The following P3H2 variants were observed in gnomAD, a reference collection of about 807,000 sequenced individuals.
P3H2 encodes the protein prolyl 3-hydroxylase 2.
In P3H2, 80 loss-of-function variants were observed where a neutral mutation model predicts 87.0. The ratio of observed to expected loss-of-function variants is 0.92; its 90% CI spans 0.77 to 1.11. The LOEUF is 1.11. Among genes scored for constraint, P3H2 ranks in the 50% least tolerant of loss-of-function variants. The probability of loss-of-function intolerance (pLI) is 0.00; values close to 1 mark genes in which losing one functional copy is unlikely to be tolerated. For synonymous variants in P3H2, 367 were observed against 359.3 expected (o/e 1.02, Z -0.24); for missense variants, 1,001 against 923.9 (o/e 1.08, Z -1.08).
intron 13 of P3H2, chr3:189,969,857 G>T: frequency 2.1e-6 from 3 of 1,398,054 alleles, no homozygotes; most frequent in Non-Finnish European, 3.1e-6. Flanking sequence ...GGTGCTTGAG[G>T]CCATGTCCGC....
chr3:190,002,860 C>T (rs527673450), intron 1 of P3H2, among the ~76,000 whole-genome samples: 10 of 152,160 alleles, frequency 6.6e-5, no homozygotes, highest in Non-Finnish European at 1.2e-4. Flanking sequence ...TATATACTCC[C>T]ATAGTAAGGG....
chr3:190,063,942 T>A (rs1215773005), intron 1 of P3H2, among the ~76,000 whole-genome samples: 1 of 152,050 alleles, frequency 6.6e-6, no homozygotes, highest in Non-Finnish European at 1.5e-5. Context: ...TATATCTATT[T>A]AAGCATTTAA....
chr3:190,008,708 G>A (rs1392096070), intron 1 of P3H2, among the ~76,000 whole-genome samples: 1 of 152,174 alleles, frequency 6.6e-6, no homozygotes, highest in African/African-American at 2.4e-5. Context: ...AGAGGACTAT[G>A]AGCTTTCTAT....
At position 190,120,453 on chromosome 3, in the gene P3H2, C is replaced by G; in HGVS notation, c.279G>C (p.Pro93=). 1 of 1,423,228 alleles carries G rather than the reference C, an allele frequency of 7.0e-7. No individual in the cohort carries two copies. Among genetic ancestry groups the G allele is most frequent in the Non-Finnish European group, 9.1e-7 (1 of 1,099,620 alleles). 88.2% of individuals were successfully genotyped at this position (1,423,228 alleles called of 1,614,324 possible). A position where few individuals can be genotyped will look rare whatever the true frequency, so the allele number is the denominator to read the frequency against. ...RCARHCAARH[P]LPPPPPGEGP... ...CCTCGCCGGGGGGCGGGGGCGGGAGCGGGTGGCGCGCCGCGCAGTGGCGGG... is the reference window on the plus strand; with the variant it reads ...CCTCGCCGGGGGGCGGGGGCGGGAGGGGGTGGCGCGCCGCGCAGTGGCGGG... The change falls in exon 1 of 15, where the codon CCG becomes CCC. Residue 93 remains proline, a synonymous_variant. Transcript: ENST00000319332.
At chr3:190,082,869 A>G (rs1187601593) in intron 1 of P3H2, among the ~76,000 whole-genome samples, 1 of 152,208 alleles carries the variant, frequency 6.6e-6, no homozygotes, top group African/African-American at 2.4e-5. Context: ...TAATATGAAC[A>G]GTAAAAGAAA....
intron 1 of P3H2, among the ~76,000 whole-genome samples, chr3:190,078,464 C>A (rs1577312609): frequency 1.3e-5 from 2 of 152,244 alleles, no homozygotes. Flanking sequence ...TAAATGAAAT[C>A]TGTTGTTTTA....
At chr3:190,048,218 G>C (rs1015952218) in intron 1 of P3H2, among the ~76,000 whole-genome samples, 4 of 152,108 alleles carry the variant, frequency 2.6e-5, no homozygotes, top group Non-Finnish European at 5.9e-5. Flanking sequence ...GGTTTGAGCC[G>C]GGTGTGGTGG....
intron 1 of P3H2, among the ~76,000 whole-genome samples, chr3:190,040,613 T>C (rs2108954145): frequency 6.6e-6 from 1 of 152,272 alleles, no homozygotes; most frequent in East Asian, 1.9e-4. Flanking sequence ...CCAGGAATGG[T>C]GATAATATTG....
chr3:189,967,669 C>T (rs1261172900), intron 13 of P3H2, among the ~76,000 whole-genome samples: 5 of 151,842 alleles, frequency 3.3e-5, no homozygotes, highest in East Asian at 1.9e-4. Context: ...TATCAGATTA[C>T]GGAGTATTAA....
Position 189,971,970 on chromosome 3 carries a change from G to A in P3H2, c.1737C>T (p.Ile579=), listed in dbSNP as rs771088293. ...QDRRNDLSHP[I]HADNCLLDPE... is the part of the protein sequence containing the mutation. ...GATCCAACAAACAGTTGTCAGCATGGATGGGATGACTGAGGTCATTTCTTC... is the reference window on the plus strand; with the variant it reads ...GATCCAACAAACAGTTGTCAGCATGAATGGGATGACTGAGGTCATTTCTTC... The change falls in exon 12 of 15, where the codon ATC becomes ATT. Residue 579 remains isoleucine, a synonymous_variant. Coordinates refer to ENST00000319332, the MANE Select transcript of P3H2 (RefSeq NM_018192.4). 5.0e-6 allele frequency: 8 copies of A among 1,613,254 alleles called. No individual in the cohort carries two copies. The highest frequency in any genetic ancestry group is 6.8e-6 in the Non-Finnish European group (8 of 1,179,320).
In P3H2 at chr3:190,106,358, C is replaced by T. The variant is rs572207269; in HGVS notation, c.480+13894G>A. ...CTGTGCTACAGTGCGCAGTGTTGAA[C>T]GTGAAGCCAGTTACTCAGATTGAAT... On this transcript the variant is annotated intron_variant, in intron 1 of 14. Coordinates refer to ENST00000319332, the MANE Select transcript of P3H2 (RefSeq NM_018192.4). 2.1e-3 allele frequency among the ~76,000 whole-genome samples: 312 copies of T among 152,184 alleles called. 1 individual carries two copies. Among genetic ancestry groups the T allele is most frequent in the African/African-American group, 6.9e-3 (288 of 41,526 alleles).
At chr3:190,063,466 G>C (rs1031141405) in intron 1 of P3H2, among the ~76,000 whole-genome samples, 2 of 152,152 alleles carry the variant, frequency 1.3e-5, no homozygotes, top group African/African-American at 4.8e-5. Flanking sequence ...AACCACATCA[G>C]ACACCGCTTG....
In P3H2 at chr3:189,983,243, T is replaced by G; in HGVS notation, c.1230-103A>C. On this transcript the variant is annotated intron_variant, in intron 7 of 14. Transcript: ENST00000319332. ...TAGTCTGTGACTCTATATTGTGTAT[T>G]TTATTGTAAACAAGTTCACCTGTCT... The G allele has an allele frequency of 3.5e-6, 3 of 852,616 alleles. No individual in the cohort carries two copies. The South Asian group carries it at 4.4e-5, about 12-fold the overall frequency. The allele number at this position is 852,616 out of a possible 1,614,324, so 52.8% of individuals were successfully genotyped here.
At chr3:190,011,817 G>A (rs546368894) in intron 1 of P3H2, among the ~76,000 whole-genome samples, 8 of 151,926 alleles carry the variant, frequency 5.3e-5, no homozygotes, top group South Asian at 4.2e-4. Flanking sequence ...ATATACTCTC[G>A]AATGAAAAAA....
In P3H2 at chr3:189,957,350, G is replaced by T. The variant is rs958068062; in HGVS notation, c.*562C>A. The T allele has an allele frequency of 2.5e-6, 1 of 400,460 alleles. No individual in the cohort carries two copies. Among genetic ancestry groups the T allele is most frequent in the Admixed American group, 4.2e-5 (1 of 23,648 alleles). The allele number at this position is 400,460 out of a possible 1,614,324, so 24.8% of individuals were successfully genotyped here. A position where few individuals can be genotyped will look rare whatever the true frequency, so the allele number is the denominator to read the frequency against. On this transcript the variant is annotated 3_prime_UTR_variant, in exon 15 of 15. Coordinates refer to ENST00000319332, the MANE Select transcript of P3H2 (RefSeq NM_018192.4). Reference sequence around the variant, plus strand: ...AAAGGGCTTCAGAGACCAGGCACAGGTTAATTTTAGAACTGGAGCACACGT... The same window carrying T: ...AAAGGGCTTCAGAGACCAGGCACAGTTTAATTTTAGAACTGGAGCACACGT...
At chr3:190,029,425 A>T (rs142010285) in intron 1 of P3H2, among the ~76,000 whole-genome samples, 51 of 152,280 alleles carry the variant, frequency 3.3e-4, no homozygotes, top group African/African-American at 1.2e-3. Flanking sequence ...ATTCATTCAC[A>T]TGCCAAGTTT....
At position 189,974,603 on chromosome 3, in the gene P3H2, G is replaced by A. The variant is rs772218098; in HGVS notation, c.1407C>T (p.Asn469=). 26 of 1,613,988 alleles carry A rather than the reference G, an allele frequency of 1.6e-5. No homozygotes were observed. In the Admixed American group the frequency reaches 2.7e-4, roughly 17 times the overall value. ...CCCGGCACTGTTCTTCCGACAGGAC[G>A]TTATCCAGGAGAACCCGCTGAGTCC... ...LNGTQRVLLD[N]VLSEEQCREL... is the part of the protein sequence containing the mutation. Residue 469 remains asparagine (N), a synonymous_variant, in exon 9 of 15, where the codon AAC becomes AAT. Transcript: ENST00000319332.
chr3:190,002,214 T>C (rs1459039404), intron 1 of P3H2, among the ~76,000 whole-genome samples: 3 of 152,066 alleles, frequency 2.0e-5, no homozygotes, highest in Non-Finnish European at 2.9e-5. Context: ...ATTTTCACAA[T>C]TCAGTTATAA....
At chr3:190,054,219 G>A (rs6778704) in intron 1 of P3H2, among the ~76,000 whole-genome samples, 5,681 of 152,232 alleles carry the variant, frequency 0.037, 345 homozygotes, top group African/African-American at 0.13. Flanking sequence ...TCATTAATCA[G>A]TTTAGGAAAT....
Sources: allele counts gnomAD v4.1 joint callset (sites outside exome capture counted in the v4.1 genomes callset), GRCh38; gene constraint gnomAD v4.1.1; transcripts MANE v1.5; gene names NCBI Gene and HGNC (gene_info 2026-07-23, HGNC 2026-07-21).